PTCHD1: variants seen among roughly 807,000 people sequenced by gnomAD.
PTCHD1 encodes the protein patched domain-containing protein 1.
A neutral mutation model predicts 34.6 loss-of-function variants in PTCHD1; 3 were observed. The ratio of observed to expected loss-of-function variants is 0.09; its 90% confidence interval spans 0.04 to 0.22. The LOEUF is 0.22. Ranked by LOEUF, PTCHD1 falls within the 10% of genes least tolerant of loss-of-function variation. The pLI is 1.00. For missense variants in PTCHD1, 504 were observed against 685.5 expected (o/e 0.74, Z 2.96); for synonymous variants, 305 against 283.1 (o/e 1.08, Z -0.77).
intron 1 of PTCHD1, 96 bp downstream of exon 1, chrX:23,335,322 T>C: frequency 1.4e-6 from 1 of 718,847 alleles, no homozygotes; most frequent in South Asian, 2.4e-5. Context: ...CCACCTCTCC[T>C]AGCCCAGGCA....
chrX:23,368,202 T>A lies in PTCHD1; in HGVS notation c.352-11389T>A, dbSNP rs774401378. On this transcript the variant is annotated intron_variant, in intron 1 of 2. Coordinates refer to ENST00000379361, the MANE Select transcript of PTCHD1 (RefSeq NM_173495.3). ...CACTTGAAAAATTCAAACTACCCTA[T>A]GATTAAGCATAGCACATAATTATTT... Among the ~76,000 whole-genome samples the A allele has an allele frequency of 1.7e-4, 19 of 111,489 alleles. No homozygotes were observed. In the Middle Eastern group the frequency reaches 0.014, roughly 82 times the overall value.
chrX:23,335,654 C>T (rs771338268), intron 1 of PTCHD1, among the ~76,000 whole-genome samples: 1 of 112,130 alleles, frequency 8.9e-6, no homozygotes, highest in Non-Finnish European at 1.9e-5. Flanking sequence ...AGATACCCCT[C>T]CCTGTCCTCA....
intron 1 of PTCHD1, among the ~76,000 whole-genome samples, chrX:23,354,682 C>T (rs1921751828): frequency 9.4e-6 from 1 of 106,627 alleles, no homozygotes; most frequent in African/African-American, 3.4e-5. Flanking sequence ...AAACTATTCT[C>T]CTGCCTCAGC....
At chrX:23,355,017 T>C (rs1468443431) in intron 1 of PTCHD1, among the ~76,000 whole-genome samples, 1 of 95,395 alleles carries the variant, frequency 1.0e-5, no homozygotes, top group Non-Finnish European at 2.1e-5. Flanking sequence ...CTTTTATTCA[T>C]GTAAGGCTTT....
rs898957727 is a variant in PTCHD1, at chrX:23,399,606, T to G, written c.*5421T>G. On this transcript the variant is annotated 3_prime_UTR_variant, in exon 3 of 3. Transcript: ENST00000379361. Reference sequence around the variant, plus strand: ...TTTTCTCTAAGGATCCAAAAATGCTTCAAAATATTGGTTTCTTCATCCCAA... The same window carrying G: ...TTTTCTCTAAGGATCCAAAAATGCTGCAAAATATTGGTTTCTTCATCCCAA... 15 of 112,398 alleles carry G rather than the reference T, an allele frequency of 1.3e-4. No individual in the cohort carries two copies. The highest frequency in any genetic ancestry group is 3.9e-4 in the African/African-American group (12 of 30,963). The allele number at this position is 112,398 out of a possible 1,213,427, so 9.3% of individuals were successfully genotyped here.
At position 23,402,240 on chromosome X, in the gene PTCHD1, C is replaced by T. The variant is rs1052726488; in HGVS notation, c.*8055C>T. On this transcript the variant is annotated 3_prime_UTR_variant, in exon 3 of 3. Coordinates refer to ENST00000379361, the MANE Select transcript of PTCHD1 (RefSeq NM_173495.3). ...GATAGGCAACATCCATTTAGAAGAA[C>T]AGTCACACAAGCAACAGAAGAACTA... The T allele has an allele frequency of 8.1e-5, 9 of 111,201 alleles. No homozygotes were observed. The highest frequency in any genetic ancestry group is 3.8e-4 in the Admixed American group (4 of 10,406). 9.2% of individuals were successfully genotyped at this position (111,201 alleles called of 1,213,427 possible).
At chrX:23,381,925 A>G (rs945819875) in intron 2 of PTCHD1, among the ~76,000 whole-genome samples, 1 of 112,111 alleles carries the variant, frequency 8.9e-6, no homozygotes, top group South Asian at 3.8e-4. Flanking sequence ...AGAGGCTTGT[A>G]TCAAGGTTGA....
At position 23,393,350 on chromosome X, in the gene PTCHD1, A is replaced by T. The variant is rs761642166; in HGVS notation, c.1832A>T (p.Asp611Val). Residue 611 changes from aspartate (D) to valine (V), a missense_variant, in exon 3 of 3, where the codon GAC becomes GTC. Transcript: ENST00000379361. Reference protein sequence around the residue: ...STGLPKKNFTDMLRNSFLKAP... With the variant: ...STGLPKKNFTVMLRNSFLKAP... ...GGCTTGCCTAAGAAAAATTTCACAG[A>T]CATGTTGAGGAATTCCTTTCTGAAA... 4 of 1,209,460 alleles carry T rather than the reference A, an allele frequency of 3.3e-6. No homozygotes were observed. The highest frequency in any genetic ancestry group is 4.5e-6 in the Non-Finnish European group (4 of 893,266).
intron 1 of PTCHD1, among the ~76,000 whole-genome samples, chrX:23,357,651 C>A (rs930385146): frequency 9.2e-6 from 1 of 108,131 alleles, no homozygotes; most frequent in Non-Finnish European, 1.9e-5. Context: ...ACACAAACCA[C>A]AGCTTTTTTA....
At chrX:23,350,832 G>T (rs768307202) in intron 1 of PTCHD1, among the ~76,000 whole-genome samples, 5 of 110,138 alleles carry the variant, frequency 4.5e-5, no homozygotes, top group African/African-American at 6.6e-5. Context: ...AAAGAGTTGA[G>T]TCATGTAATT....
chrX:23,371,234 A>T lies in PTCHD1; in HGVS notation c.352-8357A>T, dbSNP rs769138435. Reference sequence around the variant, plus strand: ...AAAACTGAATTAAAAATCTAAATTCACTGTCTTAGTTGGACCTCCCCCAGA... The same window carrying T: ...AAAACTGAATTAAAAATCTAAATTCTCTGTCTTAGTTGGACCTCCCCCAGA... On this transcript the variant is annotated intron_variant, in intron 1 of 2. Transcript: ENST00000379361. Among the ~76,000 whole-genome samples, 3 of 112,062 alleles carry T rather than the reference A, an allele frequency of 2.7e-5. No individual in the cohort carries two copies. The Admixed American group carries it at 2.8e-4, about 11-fold the overall frequency.
intron 1 of PTCHD1, among the ~76,000 whole-genome samples, chrX:23,349,217 TAAAA>T (rs967404301): frequency 9.4e-6 from 1 of 106,265 alleles, no homozygotes; most frequent in African/African-American, 3.4e-5. Flanking sequence ...AAAGAGGAGG[TAAAA>T]AAAACAGGAA....
At chrX:23,366,083 C>T (rs1194530076) in intron 1 of PTCHD1, among the ~76,000 whole-genome samples, 3 of 112,381 alleles carry the variant, frequency 2.7e-5, no homozygotes, top group African/African-American at 9.7e-5. Flanking sequence ...TATTACCTGG[C>T]TTATTGCCTT....
chrX:23,335,264 C>G, intron 1 of PTCHD1, 38 bp downstream of exon 1: 1 of 1,105,068 alleles, frequency 9.0e-7, no homozygotes, highest in Non-Finnish European at 1.2e-6. Context: ...CCGCCAGCGC[C>G]GCGGCCGCGG....
At chrX:23,368,829 A>G (rs777971160) in intron 1 of PTCHD1, among the ~76,000 whole-genome samples, 2 of 111,798 alleles carry the variant, frequency 1.8e-5, no homozygotes, top group South Asian at 3.8e-4. Context: ...TTGGGAGACC[A>G]GGACGGGTGA....
chrX:23,367,835 C>T (rs1436044875), intron 1 of PTCHD1, among the ~76,000 whole-genome samples: 1 of 111,665 alleles, frequency 9.0e-6, no homozygotes, highest in African/African-American at 3.3e-5. Flanking sequence ...CACCTCAGGT[C>T]GGCTGTGAGG....
At chrX:23,349,483 T>C (rs762556485) in intron 1 of PTCHD1, among the ~76,000 whole-genome samples, 1 of 112,125 alleles carries the variant, frequency 8.9e-6, no homozygotes, top group African/African-American at 3.2e-5. Flanking sequence ...TATGCCCTGC[T>C]AATTCTGCTA....
rs763987693 is a variant in PTCHD1, at chrX:23,400,884, C to A, written c.*6699C>A. ...TGTTTGTTTTTTTTTGAGATGGAGT[C>A]TCACTCTGTCACCCAGGCTGGAGTG... is the stretch of plus-strand genomic sequence containing the variant. On this transcript the variant is annotated 3_prime_UTR_variant, in exon 3 of 3. Coordinates refer to ENST00000379361, the MANE Select transcript of PTCHD1 (RefSeq NM_173495.3). The A allele has an allele frequency of 7.2e-5, 8 of 110,580 alleles. No homozygotes were observed. The highest frequency in any genetic ancestry group is 2.7e-4 in the African/African-American group (8 of 30,165). The allele number at this position is 110,580 out of a possible 1,213,427, so 9.1% of individuals were successfully genotyped here.
At chrX:23,354,157 G>A (rs1382383003) in intron 1 of PTCHD1, among the ~76,000 whole-genome samples, 5 of 111,232 alleles carry the variant, frequency 4.5e-5, no homozygotes, top group Non-Finnish European at 9.4e-5. Flanking sequence ...GGGAAGTACA[G>A]AGCAAGCCTC....
Sources: gnomAD v4.1 joint callset for allele counts (sites outside exome capture counted in the v4.1 genomes callset) on GRCh38, gnomAD v4.1.1 for gene constraint, MANE v1.5 for transcripts, NCBI Gene and HGNC (gene_info 2026-07-23, HGNC 2026-07-21) for gene names.